Variants in EDNRA observed in about 807,000 individuals in gnomAD.
EDNRA encodes endothelin-1 receptor.
In EDNRA, 11 loss-of-function variants were observed where a neutral mutation model predicts 41.4. The observed-to-expected ratio is 0.27, with a 90% confidence interval of 0.17 to 0.44. The LOEUF is 0.44. Ranked by LOEUF, EDNRA falls within the 20% of genes least tolerant of loss-of-function variation. The pLI is 1.00. For missense variants in EDNRA, 294 were observed against 531.0 expected (o/e 0.55, Z 4.39); for synonymous variants, 172 against 183.0 (o/e 0.94, Z 0.49).
At chr4:147,502,686 T>C (rs7655670) in intron 2 of EDNRA, among the ~76,000 whole-genome samples, 63,289 of 152,090 alleles carry the variant, frequency 0.42, 14,982 homozygotes, top group African/African-American at 0.66. Flanking sequence ...CAAACTTTAC[T>C]CCAGACCTTT....
intron 2 of EDNRA, among the ~76,000 whole-genome samples, chr4:147,508,471 C>T (rs560815948): frequency 2.6e-5 from 4 of 152,248 alleles, no homozygotes; most frequent in African/African-American, 7.2e-5. Context: ...TGATCAAATC[C>T]GGTTTATCAA....
At chr4:147,506,918 G>A (rs937930413) in intron 2 of EDNRA, among the ~76,000 whole-genome samples, 15 of 152,146 alleles carry the variant, frequency 9.9e-5, no homozygotes, top group African/African-American at 3.6e-4. Context: ...CTGTTGTAAA[G>A]TTTCTTCAGT....
At chr4:147,504,130 C>CA (rs142495637) in intron 2 of EDNRA, among the ~76,000 whole-genome samples, 2,073 of 150,686 alleles carry the variant, frequency 0.014, 48 homozygotes, top group African/African-American at 0.048. Flanking sequence ...TCTAGCCTCA[C>CA]AAAAAAAAAT....
intron 2 of EDNRA, chr4:147,488,302 C>T (rs970880841): frequency 6.6e-5 from 10 of 152,172 alleles, no homozygotes; most frequent in African/African-American, 1.2e-4. Context: ...TCCATGGCAA[C>T]GTTTTAAGTC....
chr4:147,494,555 G>C (rs936799853), intron 2 of EDNRA: 2 of 152,766 alleles, frequency 1.3e-5, no homozygotes, highest in Non-Finnish European at 2.9e-5. Flanking sequence ...TCGTGGTTGA[G>C]TGGGAGAGAG....
chr4:147,511,500 C>T (rs1729922718), intron 2 of EDNRA, among the ~76,000 whole-genome samples: 1 of 152,160 alleles, frequency 6.6e-6, no homozygotes, highest in Admixed American at 6.5e-5. Flanking sequence ...CATCTACACT[C>T]AGGATAATTG....
chr4:147,542,307 T>G (rs1166319551), intron 7 of EDNRA, among the ~76,000 whole-genome samples, 171 bp from the exon 8 acceptor site: 1 of 152,210 alleles, frequency 6.6e-6, no homozygotes, highest in Non-Finnish European at 1.5e-5. Context: ...GAATGGACAG[T>G]GTAACTCCTG....
Position 147,543,226 on chromosome 4 carries a change from T to G in EDNRA, c.*608T>G, listed in dbSNP as rs1342119244. On this transcript the variant is annotated 3_prime_UTR_variant, in exon 8 of 8. Transcript: ENST00000651419. ...TCAGGTGAGCAATTAGATTAGTATTTTCCACGTCACTGTTTATTTTTTTAA... is the reference window on the plus strand; with the variant it reads ...TCAGGTGAGCAATTAGATTAGTATTGTCCACGTCACTGTTTATTTTTTTAA... 6.6e-6 allele frequency: 1 copy of G among 152,218 alleles called. No homozygotes were observed. The highest frequency in any genetic ancestry group is 1.5e-5 in the Non-Finnish European group (1 of 68,044). 9.4% of individuals were successfully genotyped at this position (152,218 alleles called of 1,614,324 possible). A position where few individuals can be genotyped will look rare whatever the true frequency, so the allele number is the denominator to read the frequency against.
At chr4:147,499,797 CTTTTTTTTTTTT>C (rs58464606) in intron 2 of EDNRA, among the ~76,000 whole-genome samples, 3 of 85,348 alleles carry the variant, frequency 3.5e-5, no homozygotes, top group South Asian at 4.7e-4. Flanking sequence ...CTCTAAAAGT[CTTTTTTTTTTTT>C]TTTTTTTTTT....
At position 147,505,326 on chromosome 4, in the gene EDNRA, C is replaced by CTTTTTTTTTTTTTTTTTTTTTTT. The variant is rs1729660192; in HGVS notation, c.421-14525_421-14524insTTTTTTTTTTTTTTTTTTTTTTT. Among the ~76,000 whole-genome samples the CTTTTTTTTTTTTTTTTTTTTTTT allele has an allele frequency of 2.6e-4, 21 of 82,026 alleles. 2 individuals carry two copies. The highest frequency in any genetic ancestry group is 1.1e-3 in the African/African-American group (20 of 18,402). The allele number at this position is 82,026 out of a possible 152,430, so 53.8% of individuals were successfully genotyped here. A position where few individuals can be genotyped will look rare whatever the true frequency, so the allele number is the denominator to read the frequency against. ...AAGAGAGTTTGGCAGTTTCTTTTTT[C>CTTTTTTTTTTTTTTTTTTTTTTT]ATTTTTTTTTTTTTTTTTTTTTTTT... On this transcript the variant is annotated intron_variant, in intron 2 of 7. Coordinates refer to ENST00000651419, the MANE Select transcript of EDNRA (RefSeq NM_001957.4).
intron 1 of EDNRA, among the ~76,000 whole-genome samples, chr4:147,481,766 C>T (rs2126359438): frequency 6.6e-6 from 1 of 152,340 alleles, no homozygotes; most frequent in African/African-American, 2.4e-5. Context: ...GTGAAGTTGG[C>T]TCCACAGCCT....
At chr4:147,520,348 T>C (rs1730278484) in intron 3 of EDNRA, 1 of 515,170 alleles carries the variant, frequency 1.9e-6, no homozygotes, top group Non-Finnish European at 3.9e-6. Flanking sequence ...TTCAATTATA[T>C]CTGTAATGTT....
rs1189908208 is a variant in EDNRA at position 147,518,218 on chromosome 4, A to C, written c.421-1633A>C. 2.0e-5 allele frequency among the ~76,000 whole-genome samples: 3 copies of C among 152,338 alleles called. No homozygotes were observed. In the East Asian group the frequency reaches 5.8e-4, roughly 29 times the overall value. On this transcript the variant is annotated intron_variant, in intron 2 of 7. Coordinates refer to ENST00000651419, the MANE Select transcript of EDNRA (RefSeq NM_001957.4). ...TTTTCTTGTTTTTATAGGGTGATTC[A>C]TCTCAGAAATAGTGTTTTATGTCTT...
rs1730227123 is a variant in EDNRA, at chr4:147,519,197, C to A, written c.421-654C>A. Reference sequence around the variant, plus strand: ...ATCACATCTACTGAAGCAGAGTCAGCCCCTTAAGCACAGAGGAAAATGTAA... The same window carrying A: ...ATCACATCTACTGAAGCAGAGTCAGACCCTTAAGCACAGAGGAAAATGTAA... On this transcript the variant is annotated intron_variant, in intron 2 of 7. Transcript: ENST00000651419. This position sits in a 1 kb window ranked among gnomAD's most constrained non-coding sequence, Gnocchi z 4.1. Among the ~76,000 whole-genome samples the A allele has an allele frequency of 6.6e-6, 1 of 152,190 alleles. No individual in the cohort carries two copies. The highest frequency in any genetic ancestry group is 2.4e-5 in the African/African-American group (1 of 41,452).
intron 3 of EDNRA, among the ~76,000 whole-genome samples, chr4:147,527,645 T>G (rs1730600213): frequency 1.3e-5 from 2 of 152,204 alleles, no homozygotes; most frequent in South Asian, 4.1e-4. Flanking sequence ...GACCACACCT[T>G]CAAGATTCAA....
intron 2 of EDNRA, among the ~76,000 whole-genome samples, chr4:147,509,261 A>G (rs759960171): frequency 6.6e-6 from 1 of 152,204 alleles, no homozygotes; most frequent in Non-Finnish European, 1.5e-5. Context: ...GATGGTGAAG[A>G]GTACAATGAC....
In EDNRA at chr4:147,481,247, C is replaced by G. The variant is rs200688754; in HGVS notation, c.-200C>G. 3.5e-3 allele frequency: 531 copies of G among 153,154 alleles called. 1 individual carries two copies. The highest frequency in any genetic ancestry group is 5.0e-3 in the Non-Finnish European group (342 of 68,320). 9.5% of individuals were successfully genotyped at this position (153,154 alleles called of 1,614,324 possible). A position where few individuals can be genotyped will look rare whatever the true frequency, so the allele number is the denominator to read the frequency against. On this transcript the variant is annotated 5_prime_UTR_variant, in exon 1 of 8. Coordinates refer to ENST00000651419, the MANE Select transcript of EDNRA (RefSeq NM_001957.4). Reference sequence around the variant, plus strand: ...TCTGAAGCCGGGGAAGCTGTGCAGCCGAAGCCGCCGCCGCGCCGGAGCCCG... The same window carrying G: ...TCTGAAGCCGGGGAAGCTGTGCAGCGGAAGCCGCCGCCGCGCCGGAGCCCG...
chr4:147,541,451 G>C (rs1229665515), intron 7 of EDNRA, among the ~76,000 whole-genome samples: 1 of 152,230 alleles, frequency 6.6e-6, no homozygotes, highest in Non-Finnish European at 1.5e-5. Context: ...GGACATTACA[G>C]CCCTGCACTT....
chr4:147,484,694 T>A (rs1728883884), intron 1 of EDNRA, among the ~76,000 whole-genome samples: 1 of 152,200 alleles, frequency 6.6e-6, no homozygotes, highest in Admixed American at 6.5e-5. Context: ...CAAAATACTA[T>A]GACTAGCCTG....
Sources: allele counts gnomAD v4.1 joint callset (sites outside exome capture counted in the v4.1 genomes callset), GRCh38; gene constraint gnomAD v4.1.1; non-coding constraint Gnocchi (gnomAD v3.1); transcripts MANE v1.5; gene names NCBI Gene and HGNC (gene_info 2026-07-23, HGNC 2026-07-21).